ZFHX3: variants seen among roughly 807,000 people sequenced by gnomAD.
ZFHX3 encodes the protein zinc finger homeobox protein 3.
In ZFHX3, 42 loss-of-function variants were observed where a neutral mutation model predicts 279.1. The observed-to-expected ratio is 0.15, with a 90% CI of 0.12 to 0.19. The LOEUF is 0.19. Ranked by LOEUF, ZFHX3 falls within the 10% of genes least tolerant of loss-of-function variation. ZFHX3 has a pLI of 1.00. For synonymous variants in ZFHX3, 2,293 were observed against 1,957.8 expected, an observed-to-expected ratio of 1.17 and a Z score of -4.52; for missense variants, 4,981 against 4,754.0, an observed-to-expected ratio of 1.05 and a Z score of -1.40.
At chr16:73,445,272 A>G (rs1236155262) in intron 3 of ZFHX3, among the ~76,000 whole-genome samples, 7 of 68,050 alleles carry the variant, frequency 1.0e-4, no homozygotes, top group Admixed American at 2.6e-4. Flanking sequence ...ATATGTATGT[A>G]TATATGTGTG....
chr16:73,656,562 G>T (rs1454086501), intron 2 of ZFHX3, among the ~76,000 whole-genome samples: 1 of 152,166 alleles, frequency 6.6e-6, no homozygotes, highest in Admixed American at 6.5e-5. Context: ...ATCTGGGCAG[G>T]AGATACATAG....
intron 1 of ZFHX3, among the ~76,000 whole-genome samples, chr16:73,762,796 G>A (rs1166006195): frequency 6.6e-6 from 1 of 152,118 alleles, no homozygotes; most frequent in African/African-American, 2.4e-5. Context: ...TAGACACAGG[G>A]AGGGGAATGA....
At chr16:72,945,879 G>A (rs568011768) in intron 3 of ZFHX3, among the ~76,000 whole-genome samples, 3 of 152,040 alleles carry the variant, frequency 2.0e-5, no homozygotes, top group East Asian at 1.9e-4. Flanking sequence ...ACCTACGGAC[G>A]TAAAATGTGT....
At chr16:72,805,310 T>C (rs1455694943) in intron 7 of ZFHX3, among the ~76,000 whole-genome samples, 1 of 152,112 alleles carries the variant, frequency 6.6e-6, no homozygotes, top group Non-Finnish European at 1.5e-5. Flanking sequence ...GCAAAAGTGG[T>C]GAACCTAGTT....
At chr16:72,815,927 A>G (rs537198952) in intron 5 of ZFHX3, among the ~76,000 whole-genome samples, 13 of 152,384 alleles carry the variant, frequency 8.5e-5, no homozygotes, top group East Asian at 7.7e-4. Context: ...AGGGCATGGT[A>G]TAAGTAAACA....
chr16:73,298,476 G>A (rs368225154), intron 4 of ZFHX3, among the ~76,000 whole-genome samples: 48 of 150,078 alleles, frequency 3.2e-4, no homozygotes, highest in African/African-American at 1.1e-3. Flanking sequence ...GAGCCACTGC[G>A]CCCAACCTAT....
chr16:73,727,014 G>A (rs2142244228), intron 1 of ZFHX3, among the ~76,000 whole-genome samples: 1 of 152,314 alleles, frequency 6.6e-6, no homozygotes, highest in South Asian at 2.1e-4. Flanking sequence ...AGAAGCTCAG[G>A]ACTAGAGGTA....
intron 1 of ZFHX3, among the ~76,000 whole-genome samples, chr16:73,832,359 A>T (rs770210417): frequency 6.6e-6 from 1 of 152,156 alleles, no homozygotes; most frequent in African/African-American, 2.4e-5. Flanking sequence ...ATAAGCCCCT[A>T]TGTTTACTGT....
Position 73,683,120 on chromosome 16 carries a change from T to C in ZFHX3, c.-1607-2880A>G, listed in dbSNP as rs141159517. On this transcript the variant is annotated intron_variant, in intron 1 of 17. Coordinates refer to the ZFHX3 transcript ENST00000641206. ...TTTTTACTCTTACACATGCCTTTTATTATACTTTTGTCTAGTAAAGAAATG... is the reference window on the plus strand; with the variant it reads ...TTTTTACTCTTACACATGCCTTTTACTATACTTTTGTCTAGTAAAGAAATG... Among the ~76,000 whole-genome samples the C allele has an allele frequency of 3.4e-4, 52 of 152,348 alleles. No homozygotes were observed. In the East Asian group the frequency reaches 9.6e-3, roughly 28 times the overall value.
At chr16:73,497,225 A>C (rs1033593607) in intron 2 of ZFHX3, among the ~76,000 whole-genome samples, 3 of 152,226 alleles carry the variant, frequency 2.0e-5, no homozygotes, top group African/African-American at 7.2e-5. Context: ...AAGCTTATGG[A>C]CAAGGAGCAA....
intron 2 of ZFHX3, among the ~76,000 whole-genome samples, chr16:73,579,765 G>A (rs925787790): frequency 1.3e-5 from 2 of 148,648 alleles, no homozygotes; most frequent in Non-Finnish European, 3.0e-5. Context: ...GCCTCCCAAA[G>A]TGTATAAATT....
chr16:73,282,078 C>T (rs997090176), intron 4 of ZFHX3, among the ~76,000 whole-genome samples: 3 of 152,160 alleles, frequency 2.0e-5, no homozygotes, highest in Admixed American at 6.5e-5. Context: ...TGTGTGTGCG[C>T]GTTTGTGTGC....
At chr16:73,215,219 T>C (rs889796498) in intron 5 of ZFHX3, among the ~76,000 whole-genome samples, 3 of 152,238 alleles carry the variant, frequency 2.0e-5, no homozygotes, top group African/African-American at 4.8e-5. Context: ...CCAGTAATCC[T>C]GCAAGAATCT....
chr16:72,905,723 T>C (rs2039154142), intron 3 of ZFHX3, among the ~76,000 whole-genome samples: 1 of 151,906 alleles, frequency 6.6e-6, no homozygotes, highest in Non-Finnish European at 1.5e-5. Context: ...GCCAACAGAG[T>C]GGTGTGAAAG....
At chr16:73,840,362 C>T (rs1465175603) in intron 1 of ZFHX3, among the ~76,000 whole-genome samples, 3 of 152,148 alleles carry the variant, frequency 2.0e-5, no homozygotes, top group Non-Finnish European at 2.9e-5. Context: ...TGGGACCACC[C>T]CTTTAATGGT....
At chr16:73,559,691 A>G (rs2020341526) in intron 2 of ZFHX3, among the ~76,000 whole-genome samples, 1 of 152,214 alleles carries the variant, frequency 6.6e-6, no homozygotes, top group Non-Finnish European at 1.5e-5. Context: ...CAAACATAGA[A>G]GACGACACGG....
intron 1 of ZFHX3, among the ~76,000 whole-genome samples, chr16:73,024,038 C>T (rs534529708): frequency 3.9e-5 from 6 of 152,212 alleles, no homozygotes; most frequent in Non-Finnish European, 8.8e-5. Flanking sequence ...ACAACATGCA[C>T]ATGCCAGTGG....
intron 4 of ZFHX3, among the ~76,000 whole-genome samples, chr16:72,865,951 G>C (rs1597325077): frequency 6.6e-6 from 1 of 152,288 alleles, no homozygotes; most frequent in African/African-American, 2.4e-5. Context: ...CCCTAAGTGG[G>C]AAAGGGAGAC....
chr16:73,580,052 G>A lies in ZFHX3; in HGVS notation c.-1547+100128C>T, dbSNP rs185903795. Among the ~76,000 whole-genome samples the A allele has an allele frequency of 3.3e-3, 497 of 150,024 alleles. 1 individual carries two copies. Among genetic ancestry groups the A allele is most frequent in the Non-Finnish European group, 5.8e-3 (392 of 67,686 alleles). ...TGGACAGTATATAAAAAATTTACCT[G>A]TTATAAATATTAAATGAAAGCATCC... On this transcript the variant is annotated intron_variant, in intron 2 of 17. Transcript: ENST00000641206.
Sources: gnomAD v4.1 joint callset for allele counts (sites outside exome capture counted in the v4.1 genomes callset) on GRCh38, gnomAD v4.1.1 for gene constraint, MANE v1.5 for transcripts, NCBI Gene and HGNC (gene_info 2026-07-23, HGNC 2026-07-21) for gene names.